CADM1: variants seen among roughly 807,000 people sequenced by gnomAD.
CADM1 encodes the protein TSLC-1.
In CADM1, 15 loss-of-function variants were observed where a neutral mutation model predicts 53.1. The observed-to-expected ratio is 0.28, with a 90% CI of 0.19 to 0.44. The LOEUF is 0.44. CADM1 is among the 20% of genes least tolerant of loss of function. The pLI is 1.00. For missense variants in CADM1, 434 were observed against 611.3 expected, an observed-to-expected ratio of 0.71 and a Z score of 3.06; for synonymous variants, 281 against 243.0, an observed-to-expected ratio of 1.16 and a Z score of -1.45.
intron 1 of CADM1, among the ~76,000 whole-genome samples, chr11:115,375,455 C>T (rs1946414811): frequency 6.6e-6 from 1 of 152,150 alleles, no homozygotes; most frequent in Non-Finnish European, 1.5e-5. Flanking sequence ...CGACAATTTA[C>T]TGAGCTGCAC....
chr11:115,232,010 TAATAACAAC>T (rs1259592323), intron 3 of CADM1, among the ~76,000 whole-genome samples: 2 of 141,746 alleles, frequency 1.4e-5, no homozygotes, highest in Non-Finnish European at 3.0e-5. Flanking sequence ...ATAATAATAA[TAATAACAAC>T]AACAACAACA....
At chr11:115,295,166 T>TGACGCATTTCATCCACTCC (rs1243455631) in intron 1 of CADM1, among the ~76,000 whole-genome samples, 1 of 152,178 alleles carries the variant, frequency 6.6e-6, no homozygotes, top group Non-Finnish European at 1.5e-5. Context: ...TTCTACACTC[T>TGACGCATTTCATCCACTCC]GACGCATTTC....
chr11:115,201,589 G>A (rs996754759), intron 8 of CADM1, among the ~76,000 whole-genome samples: 4 of 152,106 alleles, frequency 2.6e-5, no homozygotes, highest in Non-Finnish European at 5.9e-5. Flanking sequence ...CATTCTAAGC[G>A]TAGAGGCAAA....
intron 1 of CADM1, among the ~76,000 whole-genome samples, chr11:115,420,796 G>A (rs967981584): frequency 3.5e-4 from 53 of 152,178 alleles, no homozygotes; most frequent in Non-Finnish European, 2.9e-5. Context: ...AGCCAAGGCT[G>A]TTTCGTTCTC....
At chr11:115,393,910 C>T (rs868830371) in intron 1 of CADM1, among the ~76,000 whole-genome samples, 1 of 151,940 alleles carries the variant, frequency 6.6e-6, no homozygotes, top group Admixed American at 6.6e-5. Context: ...GGTAATAAAT[C>T]ATCTGCTATG....
intron 1 of CADM1, among the ~76,000 whole-genome samples, chr11:115,471,692 G>T (rs972771222): frequency 6.6e-6 from 1 of 152,202 alleles, no homozygotes; most frequent in African/African-American, 2.4e-5. Context: ...TGACGCTGCT[G>T]GCCTGGGCAC....
chr11:115,227,029 CA>C (rs1941635764), intron 5 of CADM1, among the ~76,000 whole-genome samples: 1 of 152,068 alleles, frequency 6.6e-6, no homozygotes, highest in African/African-American at 2.4e-5. Flanking sequence ...TTCCTTTATA[CA>C]AAAATATTTT....
chr11:115,226,658 C>T (rs1364844016), intron 5 of CADM1, among the ~76,000 whole-genome samples: 1 of 152,176 alleles, frequency 6.6e-6, no homozygotes, highest in Non-Finnish European at 1.5e-5. Flanking sequence ...TACTTGTCTG[C>T]AGAGAGAGGA....
intron 1 of CADM1, among the ~76,000 whole-genome samples, chr11:115,427,816 G>C (rs919185282): frequency 4.0e-5 from 6 of 151,784 alleles, no homozygotes. Context: ...AGACCATCCT[G>C]GCTAACACGT....
chr11:115,392,286 C>T (rs1211249788), intron 1 of CADM1, among the ~76,000 whole-genome samples: 2 of 151,962 alleles, frequency 1.3e-5, no homozygotes, highest in African/African-American at 4.8e-5. Flanking sequence ...GTGCCTGGCA[C>T]GTAATAGATA....
chr11:115,217,830 A>G, intron 6 of CADM1, 62 bp downstream of exon 6: 2 of 1,013,750 alleles, frequency 2.0e-6, no homozygotes, highest in Admixed American at 3.4e-5. Flanking sequence ...GTGAATGCAC[A>G]TGTCTGTGTT....
chr11:115,504,173 G>A (rs1307632301), intron 1 of CADM1, 98 bp downstream of exon 1: 1 of 1,508,602 alleles, frequency 6.6e-7, no homozygotes, highest in Non-Finnish European at 9.0e-7. Context: ...GTAGGAAGTG[G>A]GGGGAGGTTG....
chr11:115,297,059 G>A (rs1325811918), intron 1 of CADM1, among the ~76,000 whole-genome samples: 1 of 152,198 alleles, frequency 6.6e-6, no homozygotes. Context: ...AATGCTTCAA[G>A]TATTCCTATA....
chr11:115,446,299 C>A (rs1409349893), intron 1 of CADM1, among the ~76,000 whole-genome samples: 1 of 152,192 alleles, frequency 6.6e-6, no homozygotes, highest in Non-Finnish European at 1.5e-5. Context: ...CCTAAGGCCT[C>A]ATAACTACTA....
intron 1 of CADM1, among the ~76,000 whole-genome samples, chr11:115,269,839 A>G (rs1943248241): frequency 6.6e-6 from 1 of 152,222 alleles, no homozygotes; most frequent in Admixed American, 6.5e-5. Context: ...TGGAGCACCA[A>G]GAAGGAAAGC....
At chr11:115,449,938 G>C (rs1948535448) in intron 1 of CADM1, among the ~76,000 whole-genome samples, 1 of 151,540 alleles carries the variant, frequency 6.6e-6, no homozygotes, top group African/African-American at 2.4e-5. Context: ...TCTCTTTATA[G>C]GAAATAAAAC....
chr11:115,188,712 C>T (rs549527466), intron 10 of CADM1, among the ~76,000 whole-genome samples: 7 of 152,220 alleles, frequency 4.6e-5, no homozygotes, highest in East Asian at 3.9e-4. Flanking sequence ...CTGTTTAAGA[C>T]GGGTGTTAAC....
chr11:115,275,155 G>A, intron 1 of CADM1, among the ~76,000 whole-genome samples: 1 of 152,120 alleles, frequency 6.6e-6, no homozygotes, highest in East Asian at 1.9e-4. Flanking sequence ...TAACAGCATG[G>A]CATGGCCCCT....
chr11:115,229,347 G>C, intron 4 of CADM1, 76 bp from the exon 5 acceptor site: 1 of 1,336,162 alleles, frequency 7.5e-7, no homozygotes, highest in Non-Finnish European at 1.1e-6. Context: ...CCTCCCCTCT[G>C]TCCTCTAACC....
Sources: allele counts gnomAD v4.1 joint callset (sites outside exome capture counted in the v4.1 genomes callset), GRCh38; gene constraint gnomAD v4.1.1; transcripts MANE v1.5; gene names NCBI Gene and HGNC (gene_info 2026-07-23, HGNC 2026-07-21).